CYRIA: variants seen among roughly 807,000 people sequenced by gnomAD.
The protein encoded by CYRIA is CYFIP-related Rac1 interactor A.
In CYRIA, 15 loss-of-function variants were observed where a neutral mutation model predicts 43.9. That is an observed-to-expected ratio of 0.34 (90% confidence interval 0.23 to 0.53). The LOEUF (loss-of-function observed/expected upper bound fraction) is 0.53. CYRIA is among the 20% of genes least tolerant of loss of function. CYRIA has a pLI of 0.94. For missense variants in CYRIA, 236 were observed against 394.2 expected, an observed-to-expected ratio of 0.60 and a Z score of 3.40; for synonymous variants, 117 against 136.0, an observed-to-expected ratio of 0.86 and a Z score of 0.97.
intron 3 of CYRIA, among the ~76,000 whole-genome samples, chr2:16,570,185 G>A (rs1667077742): frequency 6.6e-6 from 1 of 151,958 alleles, no homozygotes; most frequent in Non-Finnish European, 1.5e-5. Flanking sequence ...AAATGACAAG[G>A]TCTGGCTCTG....
intron 2 of CYRIA, among the ~76,000 whole-genome samples, chr2:16,601,308 A>AG (rs1264355336): frequency 1.3e-5 from 2 of 152,238 alleles, no homozygotes; most frequent in East Asian, 3.9e-4. Flanking sequence ...CCTCCAGCTG[A>AG]GGGGGTTGGG....
rs111465175 is a variant in CYRIA at position 16,581,094 on chromosome 2, T to G, written c.70+6956A>C. ...AGTGCTTAGCATAAAATTTAAAAAT[T>G]ATAAACTGTACTTCATCAAAATTTG... On this transcript the variant is annotated intron_variant, in intron 3 of 11. Coordinates refer to ENST00000381323, the MANE Select transcript of CYRIA (RefSeq NM_030797.4). 5.0e-3 allele frequency among the ~76,000 whole-genome samples: 754 copies of G among 152,226 alleles called. 8 individuals are homozygous for G. The highest frequency in any genetic ancestry group is 0.016 in the African/African-American group (673 of 41,548).
At chr2:16,607,923 G>A (rs1668466391) in intron 2 of CYRIA, among the ~76,000 whole-genome samples, 1 of 152,118 alleles carries the variant, frequency 6.6e-6, no homozygotes, top group Non-Finnish European at 1.5e-5. Flanking sequence ...TGCTCATACT[G>A]TTCCTTTTGC....
At chr2:16,652,961 A>G (rs1222178544) in intron 1 of CYRIA, among the ~76,000 whole-genome samples, 1 of 152,236 alleles carries the variant, frequency 6.6e-6, no homozygotes, top group Non-Finnish European at 1.5e-5. Context: ...TTTATTTAAA[A>G]AAATCACAAA....
At chr2:16,609,370 T>C (rs192395189) in intron 2 of CYRIA, among the ~76,000 whole-genome samples, 1 of 152,296 alleles carries the variant, frequency 6.6e-6, no homozygotes, top group East Asian at 1.9e-4. Context: ...AAGTCTGACA[T>C]TAAATATCAA....
intron 3 of CYRIA, among the ~76,000 whole-genome samples, chr2:16,584,308 G>A (rs1572480395): frequency 2.6e-5 from 4 of 152,184 alleles, no homozygotes; most frequent in Admixed American, 2.0e-4. Flanking sequence ...GATAGAGCCC[G>A]CTTCACTCTG....
At chr2:16,643,618 C>T (rs1669738764) in intron 1 of CYRIA, among the ~76,000 whole-genome samples, 1 of 152,216 alleles carries the variant, frequency 6.6e-6, no homozygotes, top group African/African-American at 2.4e-5. Context: ...CATATATTCA[C>T]ACCTTTAAAA....
At chr2:16,634,246 G>A (rs1669425077) in intron 1 of CYRIA, among the ~76,000 whole-genome samples, 1 of 152,186 alleles carries the variant, frequency 6.6e-6, no homozygotes, top group South Asian at 2.1e-4. Flanking sequence ...TCCTTTTGCA[G>A]GTGTGGAAAA....
At position 16,580,437 on chromosome 2, in the gene CYRIA, G is replaced by C. The variant is rs186069107; in HGVS notation, c.70+7613C>G. On this transcript the variant is annotated intron_variant, in intron 3 of 11. Transcript: ENST00000381323. ...ATGCTTAGGGGTATATTTGACAAAAGATGGGCAGCACTTTTATATTAAAAA... is the reference window on the plus strand; with the variant it reads ...ATGCTTAGGGGTATATTTGACAAAACATGGGCAGCACTTTTATATTAAAAA... 2.7e-3 allele frequency among the ~76,000 whole-genome samples: 415 copies of C among 152,236 alleles called. 2 individuals are homozygous for C. The highest frequency in any genetic ancestry group is 6.2e-3 in the Admixed American group (95 of 15,290).
At chr2:16,604,004 C>T (rs889593534) in intron 2 of CYRIA, among the ~76,000 whole-genome samples, 1 of 152,190 alleles carries the variant, frequency 6.6e-6, no homozygotes, top group African/African-American at 2.4e-5. Context: ...TCTAGGAACA[C>T]GCACCTGGGC....
At chr2:16,619,442 A>G (rs1243556905) in intron 2 of CYRIA, among the ~76,000 whole-genome samples, 1 of 152,158 alleles carries the variant, frequency 6.6e-6, no homozygotes, top group Admixed American at 6.5e-5. Context: ...CCACCCCAAG[A>G]GTTCCAAAGG....
rs1669931543 is a variant in CYRIA at position 16,650,043 on chromosome 2, C to A, written c.-167+15737G>T. 6.6e-6 allele frequency among the ~76,000 whole-genome samples: 1 copy of A among 152,190 alleles called. No homozygotes were observed. The highest frequency in any genetic ancestry group is 2.1e-4 in the South Asian group (1 of 4,824). ...TGACACATTCCAAGAAGCACACACC[C>A]CCTCAGCCCAGGTTCCAGAATGAGA... On this transcript the variant is annotated intron_variant, in intron 1 of 11. Transcript: ENST00000381323. This position sits in a 1 kb window ranked among gnomAD's most constrained non-coding sequence, Gnocchi z 4.1.
intron 2 of CYRIA, among the ~76,000 whole-genome samples, chr2:16,603,722 T>C (rs1193752530): frequency 6.6e-6 from 1 of 152,228 alleles, no homozygotes; most frequent in Non-Finnish European, 1.5e-5. Flanking sequence ...GCAGGGCTGC[T>C]TTTACACCAC....
chr2:16,611,222 G>T (rs1004452789), intron 2 of CYRIA, among the ~76,000 whole-genome samples: 1 of 151,234 alleles, frequency 6.6e-6, no homozygotes, highest in Non-Finnish European at 1.5e-5. Flanking sequence ...AAAAATAGCT[G>T]GGTGTGGTGG....
intron 1 of CYRIA, among the ~76,000 whole-genome samples, chr2:16,663,191 T>C (rs947428456): frequency 2.0e-5 from 3 of 152,190 alleles, no homozygotes; most frequent in Non-Finnish European, 2.9e-5. Context: ...TTTCAAAGTG[T>C]TCAAAGCATT....
chr2:16,593,215 CA>C (rs1403855216), intron 2 of CYRIA, among the ~76,000 whole-genome samples: 2 of 152,200 alleles, frequency 1.3e-5, no homozygotes, highest in Non-Finnish European at 2.9e-5. Context: ...CATATGATTC[CA>C]TATGATTTCC....
chr2:16,625,901 T>A (rs927697274), intron 1 of CYRIA: 1 of 152,012 alleles, frequency 6.6e-6, no homozygotes, highest in African/African-American at 2.4e-5. Context: ...TGGGATGGAT[T>A]CACTCAGCTG....
In CYRIA at chr2:16,575,255, G is replaced by A. The variant is rs138035248; in HGVS notation, c.71-9488C>T. Among the ~76,000 whole-genome samples the A allele has an allele frequency of 2.1e-3, 319 of 152,270 alleles. 3 individuals are homozygous for A. The highest frequency in any genetic ancestry group is 7.4e-3 in the African/African-American group (306 of 41,560). On this transcript the variant is annotated intron_variant, in intron 3 of 11. Transcript: ENST00000381323. ...CTTTTGATTTTACAGGCTCATAGGT[G>A]GAAGGGACTTGCCTTATCCCAGATG...
At chr2:16,560,793 T>C (rs1472416222) in intron 9 of CYRIA, 197 bp downstream of exon 9, 1 of 590,588 alleles carries the variant, frequency 1.7e-6, no homozygotes, top group African/African-American at 1.9e-5. Flanking sequence ...GTCAACCACT[T>C]TGGGCCTCAG....
Sources: allele counts gnomAD v4.1 joint callset (sites outside exome capture counted in the v4.1 genomes callset), GRCh38; gene constraint gnomAD v4.1.1; non-coding constraint Gnocchi (gnomAD v3.1); transcripts MANE v1.5; gene names NCBI Gene and HGNC (gene_info 2026-07-23, HGNC 2026-07-21).